NALF1: variants seen among roughly 807,000 people sequenced by gnomAD.
NALF1 encodes the protein family with sequence similarity 155 member A.
NALF1 carries 3 observed loss-of-function variants against 48.4 expected under a neutral mutation model. That is an observed-to-expected ratio of 0.06 (90% CI 0.03 to 0.16). The LOEUF (loss-of-function observed/expected upper bound fraction) is 0.16. Among genes scored for constraint, NALF1 ranks in the 10% least tolerant of loss-of-function variants. The probability of loss-of-function intolerance (pLI) is 1.00; values close to 1 mark genes in which losing one functional copy is unlikely to be tolerated. For missense variants in NALF1, 526 were observed against 571.5 expected, an observed-to-expected ratio of 0.92 and a Z score of 0.81; for synonymous variants, 262 against 245.7, an observed-to-expected ratio of 1.07 and a Z score of -0.62.
intron 1 of NALF1, among the ~76,000 whole-genome samples, chr13:107,316,920 A>T (rs1882161331): frequency 6.6e-6 from 1 of 152,170 alleles, no homozygotes; most frequent in South Asian, 2.1e-4. Context: ...TCTTCAGTTA[A>T]GTCATCATTG....
chr13:107,718,698 CAATGGACTTACTCAACAAATACT>C (rs1443447500), intron 1 of NALF1, among the ~76,000 whole-genome samples: 1 of 152,138 alleles, frequency 6.6e-6, no homozygotes, highest in Non-Finnish European at 1.5e-5. Context: ...CTCTGGGTTT[CAATGGACTTACTCAACAAATACT>C]TATTTCACCC....
chr13:107,309,678 C>T (rs1882007617), intron 1 of NALF1, among the ~76,000 whole-genome samples: 1 of 152,012 alleles, frequency 6.6e-6, no homozygotes, highest in African/African-American at 2.4e-5. Flanking sequence ...CAGAATCAGC[C>T]CCATTTGGTG....
intron 1 of NALF1, among the ~76,000 whole-genome samples, chr13:107,658,408 A>T (rs113032243): frequency 0.021 from 3,210 of 151,730 alleles, 54 homozygotes; most frequent in Middle Eastern, 0.092. Flanking sequence ...GGCTCTTATC[A>T]CCTTCCTTAA....
chr13:107,182,511 C>T (rs1056029733), intron 2 of NALF1, among the ~76,000 whole-genome samples: 78 of 152,114 alleles, frequency 5.1e-4, no homozygotes, highest in African/African-American at 1.9e-3. Flanking sequence ...CTCAAGTGAT[C>T]TGCCCACCTT....
intron 1 of NALF1, among the ~76,000 whole-genome samples, chr13:107,401,847 T>G (rs1323667): frequency 0.58 from 88,555 of 152,038 alleles, 26,124 homozygotes; most frequent in African/African-American, 0.66. Flanking sequence ...AGTTAAGAAA[T>G]ACTTTTTATA....
chr13:107,495,609 A>T (rs1875304636), intron 1 of NALF1, among the ~76,000 whole-genome samples: 1 of 152,170 alleles, frequency 6.6e-6, no homozygotes, highest in Non-Finnish European at 1.5e-5. Flanking sequence ...TTTGATTTCC[A>T]GTGGTGTTGA....
At chr13:107,372,076 A>ATGCAGAGAG (rs553888679) in intron 1 of NALF1, among the ~76,000 whole-genome samples, 242 of 152,282 alleles carry the variant, frequency 1.6e-3, no homozygotes, top group African/African-American at 5.6e-3. Context: ...GCGCAGCAAG[A>ATGCAGAGAG]TGCAGAGAGG....
At chr13:107,349,358 G>A (rs1037868042) in intron 1 of NALF1, among the ~76,000 whole-genome samples, 4 of 152,200 alleles carry the variant, frequency 2.6e-5, no homozygotes, top group Non-Finnish European at 5.9e-5. Context: ...TCTGCCCCTT[G>A]TTGACATCAA....
At chr13:107,462,697 G>C (rs986758341) in intron 1 of NALF1, among the ~76,000 whole-genome samples, 2 of 152,178 alleles carry the variant, frequency 1.3e-5, no homozygotes, top group Admixed American at 6.5e-5. Flanking sequence ...CTAGTTCCCA[G>C]AGAAACCCTA....
intron 1 of NALF1, among the ~76,000 whole-genome samples, chr13:107,668,138 G>T (rs1880906515): frequency 6.6e-6 from 1 of 152,006 alleles, no homozygotes; most frequent in Non-Finnish European, 1.5e-5. Flanking sequence ...AAAGTCACTG[G>T]ACTATGGTAA....
At chr13:107,317,924 T>A (rs7334790) in intron 1 of NALF1, among the ~76,000 whole-genome samples, 1 of 151,882 alleles carries the variant, frequency 6.6e-6, no homozygotes, top group Non-Finnish European at 1.5e-5. Flanking sequence ...GAGTAGAGCA[T>A]TAAAATGTTA....
chr13:107,739,662 A>C (rs1359319059), intron 1 of NALF1, among the ~76,000 whole-genome samples: 1 of 152,074 alleles, frequency 6.6e-6, no homozygotes, highest in East Asian at 1.9e-4. Flanking sequence ...AAGAAACTGA[A>C]CTCTATAGTG....
At chr13:107,504,248 C>G (rs1875620506) in intron 1 of NALF1, among the ~76,000 whole-genome samples, 1 of 127,960 alleles carries the variant, frequency 7.8e-6, no homozygotes, top group Non-Finnish European at 1.6e-5. Flanking sequence ...GAGGCCCTAT[C>G]TCAAAAAAAA....
At chr13:107,473,695 A>G (rs900148515) in intron 1 of NALF1, among the ~76,000 whole-genome samples, 5 of 152,182 alleles carry the variant, frequency 3.3e-5, no homozygotes, top group Non-Finnish European at 7.3e-5. Context: ...AGATTCTCAT[A>G]GTCTTCATTT....
chr13:107,340,748 A>G (rs1333119068), intron 1 of NALF1, among the ~76,000 whole-genome samples: 1 of 152,010 alleles, frequency 6.6e-6, no homozygotes, highest in East Asian at 1.9e-4. Context: ...CAATGTTTCA[A>G]TATTTTCTTT....
At chr13:107,770,498 G>A (rs907856176) in intron 1 of NALF1, among the ~76,000 whole-genome samples, 1 of 152,138 alleles carries the variant, frequency 6.6e-6, no homozygotes, top group Non-Finnish European at 1.5e-5. Context: ...AGAGCTCTAC[G>A]TTTTAAGGAA....
intron 1 of NALF1, among the ~76,000 whole-genome samples, chr13:107,239,629 A>C (rs2138833730): frequency 6.6e-6 from 1 of 152,354 alleles, no homozygotes; most frequent in Non-Finnish European, 1.5e-5. Context: ...TGGATAAGTT[A>C]GTGTTATTTA....
chr13:107,699,679 C>A (rs1485263608), intron 1 of NALF1, among the ~76,000 whole-genome samples: 1 of 151,886 alleles, frequency 6.6e-6, no homozygotes, highest in Non-Finnish European at 1.5e-5. Context: ...AGCAATCAGA[C>A]AAGAAAAAGC....
At chr13:107,290,969 C>T (rs1881609413) in intron 1 of NALF1, among the ~76,000 whole-genome samples, 1 of 151,944 alleles carries the variant, frequency 6.6e-6, no homozygotes, top group South Asian at 2.1e-4. Context: ...ATCCTGAAGT[C>T]CTCACTTGAG....
Sources: gnomAD v4.1 joint callset for allele counts (sites outside exome capture counted in the v4.1 genomes callset) on GRCh38, gnomAD v4.1.1 for gene constraint, MANE v1.5 for transcripts, NCBI Gene and HGNC (gene_info 2026-07-23, HGNC 2026-07-21) for gene names.